Variants in ELP1 observed in about 807,000 individuals in gnomAD.
The protein encoded by ELP1 is elongator acetyltransferase complex subunit 1.
A neutral mutation model predicts 183.2 loss-of-function variants in ELP1; 131 were observed. That is an observed-to-expected ratio of 0.72 (90% confidence interval 0.62 to 0.83). The LOEUF (loss-of-function observed/expected upper bound fraction) is 0.83, where lower values mean the gene tolerates loss of function less well. Ranked by LOEUF, ELP1 falls within the 40% of genes least tolerant of loss-of-function variation. ELP1 has a pLI of 0.00. For synonymous variants in ELP1, 555 were observed against 569.0 expected (o/e 0.98, Z 0.35); for missense variants, 1,550 against 1,594.9 (o/e 0.97, Z 0.48).
intron 14 of ELP1, among the ~76,000 whole-genome samples, chr9:108,905,440 T>G (rs903286117): frequency 6.6e-6 from 1 of 152,106 alleles, no homozygotes; most frequent in Non-Finnish European, 1.5e-5. Flanking sequence ...ACCTGTTACA[T>G]AATGAAGATA....
intron 14 of ELP1, 96 bp from the exon 15 acceptor site, chr9:108,903,765 G>T: frequency 1.2e-6 from 1 of 830,014 alleles, no homozygotes; most frequent in Non-Finnish European, 2.1e-6. Context: ...TCCTTTTGAT[G>T]CTGCACTACC....
At chr9:108,897,582 A>C (rs1380427992) in intron 22 of ELP1, among the ~76,000 whole-genome samples, 3 of 152,252 alleles carry the variant, frequency 2.0e-5, no homozygotes, top group African/African-American at 7.2e-5. Flanking sequence ...CCAATAAAAA[A>C]AGAATGAACT....
chr9:108,911,756 C>A (rs1398386071), intron 11 of ELP1, among the ~76,000 whole-genome samples: 1 of 151,814 alleles, frequency 6.6e-6, no homozygotes, highest in Non-Finnish European at 1.5e-5. Flanking sequence ...TCCCACCCCA[C>A]CCCCTAAAAA....
rs147541786 is a variant in ELP1, at chr9:108,929,662, A to G, written c.303+107T>C. 1.0e-4 allele frequency: 114 copies of G among 1,114,864 alleles called. No individual in the cohort carries two copies. In the African/African-American group the frequency reaches 1.7e-3, roughly 17 times the overall value. 69.1% of individuals were successfully genotyped at this position (1,114,864 alleles called of 1,614,324 possible). ...GAAATATATAATGCAAAAATTAATT[A>G]GCAAAAGTGTAACTATTATGGCTAC... On this transcript the variant is annotated intron_variant, in intron 3 of 36. Transcript: ENST00000374647.
intron 1 of ELP1, among the ~76,000 whole-genome samples, chr9:108,931,454 A>C (rs1461871422): frequency 1.3e-5 from 2 of 152,192 alleles, no homozygotes; most frequent in Non-Finnish European, 2.9e-5. Flanking sequence ...CAACTTTAGA[A>C]TGTTTTCTTC....
At chr9:108,883,960 A>G (rs919257438) in intron 29 of ELP1, among the ~76,000 whole-genome samples, 1 of 152,102 alleles carries the variant, frequency 6.6e-6, no homozygotes, top group African/African-American at 2.4e-5. Context: ...GCAAATGTCT[A>G]AACCCTCCAA....
intron 13 of ELP1, 32 bp downstream of exon 13, chr9:108,908,273 T>C (rs768258027): frequency 2.6e-6 from 4 of 1,518,522 alleles, no homozygotes; most frequent in Non-Finnish European, 3.7e-6. Context: ...GCTGATTCTG[T>C]TCCCAGAAGC....
At chr9:108,923,838 C>T (rs553694603) in intron 5 of ELP1, among the ~76,000 whole-genome samples, 2 of 152,326 alleles carry the variant, frequency 1.3e-5, no homozygotes, top group South Asian at 2.1e-4. Context: ...GAGGTAGGAT[C>T]CATTTGCAAG....
intron 12 of ELP1, among the ~76,000 whole-genome samples, chr9:108,909,076 G>A (rs1443170439): frequency 1.3e-5 from 2 of 151,968 alleles, no homozygotes; most frequent in Non-Finnish European, 1.5e-5. Context: ...AGATGTCTGC[G>A]TGGCTCCCAC....
intron 33 of ELP1, among the ~76,000 whole-genome samples, chr9:108,879,216 C>T (rs945446121): frequency 6.6e-6 from 1 of 152,134 alleles, no homozygotes; most frequent in Admixed American, 6.5e-5. Context: ...GGAACTGCCT[C>T]GTGGGGAATG....
rs528777687 is a variant in ELP1, at chr9:108,896,915, G to A, written c.2587+38C>T. 22 of 1,555,172 alleles carry A rather than the reference G, an allele frequency of 1.4e-5. No homozygotes were observed. In the South Asian group the frequency reaches 1.8e-4, roughly 13 times the overall value. The stretch of plus-strand genomic sequence containing the variant: ...CCTGCAGAAGACTAGTAGCAGTCAC[G>A]GCCACCTTAAGCACTTTCTCTGTGA... On this transcript the variant is annotated intron_variant, in intron 24 of 36. Transcript: ENST00000374647.
Position 108,917,147 on chromosome 9 carries a change from C to T in ELP1, c.864+400G>A, listed in dbSNP as rs977795558. Among the ~76,000 whole-genome samples the T allele has an allele frequency of 5.3e-5, 8 of 152,196 alleles. No individual in the cohort carries two copies. In the East Asian group the frequency reaches 1.5e-3, roughly 29 times the overall value. On this transcript the variant is annotated intron_variant, in intron 9 of 36. Coordinates refer to ENST00000374647, the MANE Select transcript of ELP1 (RefSeq NM_003640.5). ...TTTATTACTATTTACTCTAAAGCTA[C>T]TATTTATATATCCATATCAAATATA...
chr9:108,911,682 TC>T (rs1475978076), intron 11 of ELP1, among the ~76,000 whole-genome samples: 2 of 151,002 alleles, frequency 1.3e-5, no homozygotes, highest in African/African-American at 4.9e-5. Context: ...AAGCCAGTGC[TC>T]CCTTTCATAT....
chr9:108,912,568 A>G, intron 10 of ELP1, 74 bp from the exon 11 acceptor site: 1 of 1,042,400 alleles, frequency 9.6e-7, no homozygotes. Context: ...GAGGGGTTCA[A>G]GGGCAATCTT....
intron 9 of ELP1, among the ~76,000 whole-genome samples, chr9:108,916,783 T>C (rs763657805): frequency 5.3e-5 from 8 of 152,200 alleles, no homozygotes; most frequent in Non-Finnish European, 1.2e-4. Context: ...TTGCAAAATG[T>C]TGGTATCTAC....
chr9:108,899,772 C>G (rs1404080015), intron 20 of ELP1, 50 bp downstream of exon 20: 1 of 1,386,990 alleles, frequency 7.2e-7, no homozygotes, highest in Admixed American at 1.7e-5. Flanking sequence ...TTATTGTCTT[C>G]ACACATAAAT....
chr9:108,918,754 T>A (rs1283059171), intron 8 of ELP1, 57 bp downstream of exon 8: 1 of 1,187,824 alleles, frequency 8.4e-7, no homozygotes, highest in Non-Finnish European at 1.3e-6. Context: ...TATCCATGTG[T>A]ACCACCACCT....
Position 108,912,274 on chromosome 9 carries a change from G to A in ELP1, c.1179C>T (p.Val393=). 1 of 1,613,804 alleles carries A rather than the reference G, an allele frequency of 6.2e-7. No individual in the cohort carries two copies. The highest frequency in any genetic ancestry group is 1.1e-5 in the South Asian group (1 of 91,052). The change falls in exon 11 of 37, where the codon GTC becomes GTT. Residue 393 remains valine (V), a synonymous_variant. Transcript: ENST00000374647. Reference sequence around the variant, plus strand: ...TTCCCAGGAGCTTACTTCCATCAATGACAGCCACATTGGACAAGTCACTTG... The same window carrying A: ...TTCCCAGGAGCTTACTTCCATCAATAACAGCCACATTGGACAAGTCACTTG... The part of the protein sequence containing the change: ...DNSSDLSNVA[V]IDGNRVLVTV...
At chr9:108,915,148 G>A (rs775806212) in intron 10 of ELP1, among the ~76,000 whole-genome samples, 22 of 152,004 alleles carry the variant, frequency 1.4e-4, no homozygotes, top group Non-Finnish European at 2.4e-4. Flanking sequence ...TTACTTTTAC[G>A]CTTAATCTAA....
Sources: gnomAD v4.1 joint callset for allele counts (sites outside exome capture counted in the v4.1 genomes callset) on GRCh38, gnomAD v4.1.1 for gene constraint, MANE v1.5 for transcripts, NCBI Gene and HGNC (gene_info 2026-07-23, HGNC 2026-07-21) for gene names.